SBF2: variants seen among roughly 807,000 people sequenced by gnomAD.
SBF2 encodes SET binding factor 2, also known as myotubularin-related protein 13.
In SBF2, 112 loss-of-function variants were observed where a neutral mutation model predicts 225.2. That is an observed-to-expected ratio of 0.50 (90% CI 0.43 to 0.58). The LOEUF (loss-of-function observed/expected upper bound fraction) is 0.58, where lower values mean the gene tolerates loss of function less well. SBF2 is among the 20% of genes least tolerant of loss of function. SBF2 has a pLI of 0.00. For synonymous variants in SBF2, 763 were observed against 773.3 expected (o/e 0.99, Z 0.22); for missense variants, 1,996 against 2,206.2 (o/e 0.90, Z 1.91).
chr11:9,895,859 A>G, intron 17 of SBF2, 84 bp downstream of exon 17: 1 of 1,019,238 alleles, frequency 9.8e-7, no homozygotes, highest in Non-Finnish European at 1.6e-6. Context: ...AGAGGACAGG[A>G]TTTTCATGTA....
intron 17 of SBF2, among the ~76,000 whole-genome samples, chr11:9,888,539 A>T (rs1041525967): frequency 6.6e-6 from 1 of 152,002 alleles, no homozygotes; most frequent in Non-Finnish European, 1.5e-5. Flanking sequence ...AATATTTGAA[A>T]CTTATAAATA....
chr11:10,123,064 T>C (rs1051586601), intron 2 of SBF2, among the ~76,000 whole-genome samples: 2 of 152,142 alleles, frequency 1.3e-5, no homozygotes, highest in Admixed American at 6.5e-5. Flanking sequence ...ACTTTGGCTT[T>C]ACCTCTCCCT....
intron 17 of SBF2, among the ~76,000 whole-genome samples, chr11:9,871,533 C>T (rs908118171): frequency 4.7e-4 from 69 of 147,458 alleles, no homozygotes; most frequent in Non-Finnish European, 9.1e-4. Flanking sequence ...ACTCTGTTGC[C>T]CAGGCTGGAG....
At chr11:9,822,236 T>C (rs1854795720) in intron 28 of SBF2, among the ~76,000 whole-genome samples, 1 of 152,006 alleles carries the variant, frequency 6.6e-6, no homozygotes. Flanking sequence ...GACTATGGTT[T>C]GAATTAGAAT....
intron 33 of SBF2, among the ~76,000 whole-genome samples, chr11:9,793,026 C>T (rs1294344466): frequency 6.6e-6 from 1 of 150,800 alleles, no homozygotes; most frequent in African/African-American, 2.4e-5. Flanking sequence ...AAGCCGCCCA[C>T]CTCAGCCTCT....
Position 9,968,389 on chromosome 11 carries a change from CAGG to C in SBF2, c.1549_1551del (p.Pro517del). On this transcript the variant is annotated inframe_deletion, in exon 14 of 40. Coordinates refer to ENST00000256190, the MANE Select transcript of SBF2 (RefSeq NM_030962.4). ...ACACATTTCTTTTCTATTCGTGTGG[CAGG>C]AGGTGCATTCTGGTTCTTAGCAACA... 1 of 1,614,116 alleles carries C rather than the reference CAGG, an allele frequency of 6.2e-7. No individual in the cohort carries two copies. Among genetic ancestry groups the C allele is most frequent in the Non-Finnish European group, 8.5e-7 (1 of 1,180,026 alleles).
At chr11:10,202,435 C>T (rs1363712880) in intron 1 of SBF2, among the ~76,000 whole-genome samples, 2 of 152,198 alleles carry the variant, frequency 1.3e-5, no homozygotes, top group African/African-American at 4.8e-5. Context: ...AAGTTCTTCA[C>T]ACTAATTTCT....
intron 36 of SBF2, among the ~76,000 whole-genome samples, chr11:9,787,018 C>T (rs1852417325): frequency 6.6e-6 from 1 of 152,164 alleles, no homozygotes; most frequent in African/African-American, 2.4e-5. Context: ...GCCTCAGCCT[C>T]CTGAGTAGCT....
rs899455795 is a variant in SBF2, at chr11:10,094,335, G to GTA, written c.142-51356_142-51355dup. On this transcript the variant is annotated intron_variant, in intron 2 of 39. Transcript: ENST00000256190. Reference sequence around the variant, plus strand: ...CGAAACTCCATCTCAAAAAATATATGTATATATATATTAACTTTTTATTCA... The same window carrying GTA: ...CGAAACTCCATCTCAAAAAATATATGTATATATATATATTAACTTTTTATTCA... 1.4e-4 allele frequency among the ~76,000 whole-genome samples: 21 copies of GTA among 151,750 alleles called. 1 individual carries two copies. Among genetic ancestry groups the GTA allele is most frequent in the African/African-American group, 4.1e-4 (17 of 41,406 alleles).
chr11:9,969,498 G>A (rs2134391404), intron 13 of SBF2, among the ~76,000 whole-genome samples: 1 of 152,186 alleles, frequency 6.6e-6, no homozygotes. Context: ...TATATGATGT[G>A]TCCTGCCATG....
intron 1 of SBF2, among the ~76,000 whole-genome samples, chr11:10,300,889 T>C (rs1964593560): frequency 6.6e-6 from 1 of 151,396 alleles, no homozygotes. Flanking sequence ...GCTCAAGAGA[T>C]CCACTTGCCT....
At chr11:10,167,398 T>C (rs1217608602) in intron 2 of SBF2, among the ~76,000 whole-genome samples, 1 of 152,058 alleles carries the variant, frequency 6.6e-6, no homozygotes, top group Non-Finnish European at 1.5e-5. Flanking sequence ...CCCTGGTCTC[T>C]ACAAAAATAA....
At chr11:10,240,420 A>C (rs997490534) in intron 1 of SBF2, among the ~76,000 whole-genome samples, 12 of 152,180 alleles carry the variant, frequency 7.9e-5, no homozygotes, top group African/African-American at 2.9e-4. Flanking sequence ...CTCAGATTAA[A>C]TGGAGACTTG....
intron 1 of SBF2, among the ~76,000 whole-genome samples, chr11:10,261,456 GC>G (rs1396497365): frequency 6.6e-6 from 1 of 152,068 alleles, no homozygotes; most frequent in Non-Finnish European, 1.5e-5. Flanking sequence ...GCCCACCTTG[GC>G]CCCCCAAAGT....
At chr11:10,205,716 C>T (rs1957729574) in intron 1 of SBF2, among the ~76,000 whole-genome samples, 1 of 152,030 alleles carries the variant, frequency 6.6e-6, no homozygotes, top group Non-Finnish European at 1.5e-5. Flanking sequence ...CTGGCCCTGA[C>T]TCCCTTTCCC....
At chr11:9,924,594 G>A (rs186261422) in intron 16 of SBF2, among the ~76,000 whole-genome samples, 7 of 152,000 alleles carry the variant, frequency 4.6e-5, no homozygotes, top group African/African-American at 1.2e-4. Flanking sequence ...ACCCCGCCCC[G>A]CTAATTTTTG....
At chr11:10,123,219 G>T (rs941710352) in intron 2 of SBF2, among the ~76,000 whole-genome samples, 6 of 152,148 alleles carry the variant, frequency 3.9e-5, no homozygotes, top group African/African-American at 1.4e-4. Context: ...GAAAGAGAAA[G>T]TCAGGGAGGA....
At chr11:9,839,792 C>T (rs1170973794) in intron 25 of SBF2, 96 bp from the exon 26 acceptor site, 2 of 1,290,756 alleles carry the variant, frequency 1.5e-6, no homozygotes, top group East Asian at 4.6e-5. Context: ...TCATCTGAAA[C>T]TGTGATGGTA....
intron 13 of SBF2, among the ~76,000 whole-genome samples, chr11:9,974,818 G>C (rs1946605474): frequency 6.6e-6 from 1 of 151,518 alleles, no homozygotes; most frequent in African/African-American, 2.4e-5. Flanking sequence ...AAATTAGCCA[G>C]GTGTGGTGGT....
Sources: gnomAD v4.1 joint callset for allele counts (sites outside exome capture counted in the v4.1 genomes callset) on GRCh38, gnomAD v4.1.1 for gene constraint, MANE v1.5 for transcripts, NCBI Gene and HGNC (gene_info 2026-07-23, HGNC 2026-07-21) for gene names.